The following AGPAT5 variants were observed in gnomAD, a reference collection of about 807,000 sequenced individuals.
The protein encoded by AGPAT5 is 1-acyl-sn-glycerol-3-phosphate acyltransferase epsilon.
In AGPAT5, 46 loss-of-function variants were observed where a neutral mutation model predicts 45.6. The ratio of observed to expected loss-of-function variants is 1.01; its 90% CI spans 0.80 to 1.29. The LOEUF (loss-of-function observed/expected upper bound fraction) is 1.29. Among genes scored for constraint, AGPAT5 ranks in the 50% most tolerant of loss-of-function variants. AGPAT5 has a pLI of 0.00. For synonymous variants in AGPAT5, 272 were observed against 167.0 expected (o/e 1.63, Z -4.85); for missense variants, 673 against 450.7 (o/e 1.49, Z -4.47).
chr8:6,756,187 G>C (rs184997486), intron 7 of AGPAT5, among the ~76,000 whole-genome samples: 2 of 152,156 alleles, frequency 1.3e-5, no homozygotes, highest in African/African-American at 4.8e-5. Flanking sequence ...GGGAAAATGA[G>C]TTAACTATGC....
intron 6 of AGPAT5, among the ~76,000 whole-genome samples, chr8:6,750,086 C>T (rs377849): frequency 6.6e-6 from 1 of 152,236 alleles, no homozygotes; most frequent in East Asian, 1.9e-4. Context: ...TCTTTTGTTG[C>T]CCTCATCCAA....
intron 1 of AGPAT5, among the ~76,000 whole-genome samples, chr8:6,714,228 A>G (rs945466325): frequency 6.6e-6 from 1 of 152,228 alleles, no homozygotes; most frequent in African/African-American, 2.4e-5. Flanking sequence ...AAGACCTTAA[A>G]TAGATCTTAA....
rs760715784 is a variant in AGPAT5, at chr8:6,760,030, A to G, written c.*2642A>G. On this transcript the variant is annotated 3_prime_UTR_variant, in exon 8 of 8. Transcript: ENST00000285518. ...ATAGTTTTTCATATGTTTCATTTCC[A>G]TGTGATTTTTAAAATTTAGAGTGGC... Among the ~76,000 whole-genome samples the G allele has an allele frequency of 6.6e-6, 1 of 152,150 alleles. No individual in the cohort carries two copies. Among genetic ancestry groups the G allele is most frequent in the Non-Finnish European group, 1.5e-5 (1 of 68,028 alleles).
intron 6 of AGPAT5, among the ~76,000 whole-genome samples, chr8:6,749,005 C>T (rs1355963217): frequency 6.6e-6 from 1 of 152,202 alleles, no homozygotes; most frequent in Non-Finnish European, 1.5e-5. Context: ...TTAAAGCATT[C>T]AGAAGTGAGC....
chr8:6,737,044 G>A (rs970566975), intron 4 of AGPAT5, among the ~76,000 whole-genome samples: 1 of 152,214 alleles, frequency 6.6e-6, no homozygotes, highest in African/African-American at 2.4e-5. Flanking sequence ...GTTGTTTTCA[G>A]TAGGAAGGTT....
chr8:6,732,640 C>G lies in AGPAT5; in HGVS notation c.485C>G (p.Ala162Gly), dbSNP rs547176488. The change falls in exon 4 of 8, where the codon GCA becomes GGA. Residue 162 changes from alanine (A) to glycine (G), a missense_variant. By Grantham distance (60) the Ala-to-Gly change is moderately conservative. Coordinates refer to ENST00000285518, the MANE Select transcript of AGPAT5 (RefSeq NM_018361.5). ...MRNKLQSYVD[A>G]GTPMYLVIFP... ...AACAAGTTGCAGAGCTACGTGGACGCAGGAACTCCAGTAAGAGCCTACCCG... is the reference window on the plus strand; with the variant it reads ...AACAAGTTGCAGAGCTACGTGGACGGAGGAACTCCAGTAAGAGCCTACCCG... 15 of 1,606,446 alleles carry G rather than the reference C, an allele frequency of 9.3e-6. No homozygotes were observed. The South Asian group carries it at 1.7e-4, about 18-fold the overall frequency.
intron 1 of AGPAT5, among the ~76,000 whole-genome samples, chr8:6,714,963 T>G (rs1378946183): frequency 6.6e-6 from 1 of 152,244 alleles, no homozygotes; most frequent in African/African-American, 2.4e-5. Context: ...TTATTATGGT[T>G]TCTTAACTAG....
At chr8:6,724,801 A>C (rs186160092) in intron 1 of AGPAT5, 69 bp from the exon 2 acceptor site, 206 of 474,928 alleles carry the variant, frequency 4.3e-4, no homozygotes, top group African/African-American at 2.6e-3. Flanking sequence ...GTTTCTTCAC[A>C]TTGTCTTCCT....
chr8:6,737,599 G>T (rs1369064202), intron 4 of AGPAT5, among the ~76,000 whole-genome samples: 1 of 152,178 alleles, frequency 6.6e-6, no homozygotes, highest in Admixed American at 6.5e-5. Flanking sequence ...AAGTCATTTT[G>T]TTAGACTATG....
intron 2 of AGPAT5, among the ~76,000 whole-genome samples, chr8:6,728,600 A>C (rs1047464395): frequency 6.6e-6 from 1 of 152,240 alleles, no homozygotes; most frequent in Non-Finnish European, 1.5e-5. Context: ...CATTTGTTTT[A>C]AAATAAAACC....
chr8:6,721,703 A>T (rs1250048291), intron 1 of AGPAT5, among the ~76,000 whole-genome samples: 1 of 152,216 alleles, frequency 6.6e-6, no homozygotes. Flanking sequence ...CTCTTATGTT[A>T]CAGTATAAGG....
At chr8:6,751,287 G>A (rs1024295643) in intron 6 of AGPAT5, among the ~76,000 whole-genome samples, 7 of 152,148 alleles carry the variant, frequency 4.6e-5, no homozygotes, top group Admixed American at 1.3e-4. Context: ...ATTTTATGAT[G>A]CAATTAAGAA....
At position 6,708,835 on chromosome 8, in the gene AGPAT5, G is replaced by T; in HGVS notation, c.167G>T (p.Cys56Phe). The T allele has an allele frequency of 1.2e-6, 2 of 1,611,638 alleles. No individual in the cohort carries two copies. The highest frequency in any genetic ancestry group is 1.7e-6 in the Non-Finnish European group (2 of 1,179,664). ...FYQALDDRLY[C>F]VYQSMVLFFF... ...CAAGCGCTGGACGACCGGCTCTACT[G>T]CGTCTACCAGAGCATGGTGCTCTTC... Residue 56 changes from cysteine (C) to phenylalanine (F), a missense_variant, in exon 1 of 8, where the codon TGC (cysteine) becomes TTC (phenylalanine). Physicochemically the swap from Cys to Phe is radical, Grantham distance 205. Coordinates refer to ENST00000285518, the MANE Select transcript of AGPAT5 (RefSeq NM_018361.5).
chr8:6,751,282 A>G (rs1801646945), intron 6 of AGPAT5, among the ~76,000 whole-genome samples: 1 of 152,228 alleles, frequency 6.6e-6, no homozygotes, highest in African/African-American at 2.4e-5. Flanking sequence ...TTCATATTTT[A>G]TGATGCAATT....
At chr8:6,730,975 C>G (rs961712294) in intron 3 of AGPAT5, 149 bp downstream of exon 3, 1 of 445,802 alleles carries the variant, frequency 2.2e-6, no homozygotes, top group Non-Finnish European at 4.0e-6. Flanking sequence ...CTCAAGTGAA[C>G]CTCCTGCCTC....
intron 4 of AGPAT5, among the ~76,000 whole-genome samples, chr8:6,734,953 G>A (rs1399076734): frequency 1.3e-5 from 2 of 152,106 alleles, no homozygotes; most frequent in Non-Finnish European, 2.9e-5. Context: ...GCACCTTGGA[G>A]TGGCTCTCTT....
chr8:6,746,583 G>T (rs1801472702), intron 5 of AGPAT5, among the ~76,000 whole-genome samples: 1 of 152,132 alleles, frequency 6.6e-6, no homozygotes, highest in African/African-American at 2.4e-5. Flanking sequence ...CTTGGTGTGC[G>T]ATTGAGATTT....
intron 4 of AGPAT5, chr8:6,738,682 C>G (rs1463571198): frequency 1.3e-5 from 2 of 152,154 alleles, no homozygotes; most frequent in East Asian, 3.9e-4. Context: ...TGAGATGAGC[C>G]TGTCACTCCT....
intron 1 of AGPAT5, among the ~76,000 whole-genome samples, chr8:6,718,645 C>G (rs1800408513): frequency 6.6e-6 from 1 of 152,222 alleles, no homozygotes; most frequent in African/African-American, 2.4e-5. Context: ...TAGCCCACTA[C>G]TAGTATTTTT....
Sources: gnomAD v4.1 joint callset for allele counts (sites outside exome capture counted in the v4.1 genomes callset) on GRCh38, gnomAD v4.1.1 for gene constraint, MANE v1.5 for transcripts, NCBI Gene and HGNC (gene_info 2026-07-23, HGNC 2026-07-21) for gene names.